The following GPATCH2 variants were observed in gnomAD, a reference collection of about 807,000 sequenced individuals.
GPATCH2 encodes G patch domain-containing protein 2.
A neutral mutation model predicts 58.0 loss-of-function variants in GPATCH2; 51 were observed. The ratio of observed to expected loss-of-function variants is 0.88; its 90% confidence interval spans 0.70 to 1.11. The LOEUF (loss-of-function observed/expected upper bound fraction) is 1.11, where lower values mean the gene tolerates loss of function less well. Ranked by LOEUF, GPATCH2 falls within the 50% of genes most tolerant of loss-of-function variation. GPATCH2 has a pLI of 0.00. For missense variants in GPATCH2, 625 were observed against 652.2 expected (o/e 0.96, Z 0.45); for synonymous variants, 222 against 218.5 (o/e 1.02, Z -0.14).
chr1:217,618,410 A>T (rs1669004011), intron 2 of GPATCH2, among the ~76,000 whole-genome samples: 1 of 151,554 alleles, frequency 6.6e-6, no homozygotes, highest in African/African-American at 2.4e-5. Context: ...GTTTCACCAT[A>T]CTGGTCTGGC....
At chr1:217,541,800 C>A (rs1028116407) in intron 5 of GPATCH2, among the ~76,000 whole-genome samples, 1 of 152,150 alleles carries the variant, frequency 6.6e-6, no homozygotes, top group Non-Finnish European at 1.5e-5. Context: ...CACTACCTCA[C>A]ATAATAATCT....
rs1416863450 is a variant in GPATCH2, at chr1:217,620,304, A to T, written c.252T>A (p.Thr84=). ...CAGAGCCTTCACTTAAGCAGTGACC[A>T]GTCTCCCACGGGTGATGCACATTAT... ...RSYNVHHPWE[T]GHCLSEGSDS... The change falls in exon 2 of 10, where the codon ACT becomes ACA. Residue 84 remains threonine (T), a synonymous_variant. Coordinates refer to ENST00000366935, the MANE Select transcript of GPATCH2 (RefSeq NM_018040.5). The T allele has an allele frequency of 1.2e-6, 2 of 1,614,008 alleles. No homozygotes were observed. Among genetic ancestry groups the T allele is most frequent in the African/African-American group, 2.7e-5 (2 of 74,914 alleles).
At chr1:217,611,143 C>A in intron 3 of GPATCH2, 72 bp from the exon 4 acceptor site, 2 of 1,353,178 alleles carry the variant, frequency 1.5e-6, no homozygotes, top group South Asian at 1.4e-5. Flanking sequence ...TTAGTCTTGT[C>A]AGGTAATAAA....
chr1:217,511,652 C>G (rs1181361070), intron 6 of GPATCH2, among the ~76,000 whole-genome samples: 3 of 152,102 alleles, frequency 2.0e-5, no homozygotes, highest in Non-Finnish European at 2.9e-5. Flanking sequence ...GGATACTGGC[C>G]ATATACCTTC....
At chr1:217,561,863 A>G (rs529443669) in intron 5 of GPATCH2, among the ~76,000 whole-genome samples, 7 of 152,300 alleles carry the variant, frequency 4.6e-5, no homozygotes, top group Non-Finnish European at 7.4e-5. Context: ...GACCCAAAGG[A>G]TCTCTAACAG....
chr1:217,538,290 C>G (rs931107786), intron 5 of GPATCH2, among the ~76,000 whole-genome samples: 1 of 152,172 alleles, frequency 6.6e-6, no homozygotes, highest in African/African-American at 2.4e-5. Flanking sequence ...CTTTGTACAC[C>G]TAAATGTCAT....
At chr1:217,574,615 G>A (rs1357297257) in intron 5 of GPATCH2, among the ~76,000 whole-genome samples, 8 of 152,266 alleles carry the variant, frequency 5.3e-5, no homozygotes, top group Non-Finnish European at 2.9e-5. Context: ...TTGGGCACCT[G>A]TGATGGAACT....
At chr1:217,522,831 TAC>T (rs140850986) in intron 5 of GPATCH2, among the ~76,000 whole-genome samples, 82 of 148,898 alleles carry the variant, frequency 5.5e-4, no homozygotes, top group Non-Finnish European at 7.4e-4. Flanking sequence ...ACTTGTTCAA[TAC>T]ACACACACAC....
intron 1 of GPATCH2, among the ~76,000 whole-genome samples, chr1:217,626,360 G>C (rs1466139086): frequency 2.6e-5 from 4 of 152,140 alleles, no homozygotes; most frequent in Non-Finnish European, 5.9e-5. Context: ...CACAAAGATA[G>C]TCTTGTACTT....
chr1:217,523,845 CG>C lies in GPATCH2; in HGVS notation c.1099-8957del, dbSNP rs556619956. Among the ~76,000 whole-genome samples the C allele has an allele frequency of 1.1e-3, 160 of 146,782 alleles. 4 individuals carry two copies. The highest frequency in any genetic ancestry group is 3.8e-3 in the African/African-American group (148 of 39,304). ...CTCCTGGACGGGGTGGCTGGCCGGG[CG>C]GGGGGCTGACCCCCACACCTCCCTC... On this transcript the variant is annotated intron_variant, in intron 5 of 9. Coordinates refer to ENST00000366935, the MANE Select transcript of GPATCH2 (RefSeq NM_018040.5).
chr1:217,446,425 A>T (rs1659389851), intron 9 of GPATCH2, among the ~76,000 whole-genome samples: 1 of 152,128 alleles, frequency 6.6e-6, no homozygotes, highest in Non-Finnish European at 1.5e-5. Context: ...TCATTATCAA[A>T]GTGTATTTAT....
At chr1:217,519,947 A>G (rs6682007) in intron 5 of GPATCH2, among the ~76,000 whole-genome samples, 87,520 of 152,072 alleles carry the variant, frequency 0.58, 26,457 homozygotes, top group East Asian at 0.84. Context: ...GTCAAGTTAT[A>G]GAACTCCTCT....
intron 5 of GPATCH2, among the ~76,000 whole-genome samples, chr1:217,577,081 G>A (rs539810775): frequency 6.6e-6 from 1 of 152,162 alleles, no homozygotes; most frequent in East Asian, 1.9e-4. Context: ...TCACATAAGA[G>A]TGCTATTTTA....
At chr1:217,446,532 A>G (rs1659393795) in intron 9 of GPATCH2, among the ~76,000 whole-genome samples, 1 of 152,128 alleles carries the variant, frequency 6.6e-6, no homozygotes, top group East Asian at 1.9e-4. Flanking sequence ...GAGGACTTTA[A>G]GATAACCTCA....
At chr1:217,521,848 G>C (rs1175146694) in intron 5 of GPATCH2, among the ~76,000 whole-genome samples, 4 of 152,128 alleles carry the variant, frequency 2.6e-5, no homozygotes. Flanking sequence ...TTGTCTTTCT[G>C]TTGAGGATTT....
At chr1:217,568,929 CAAG>C (rs915426997) in intron 5 of GPATCH2, among the ~76,000 whole-genome samples, 2 of 151,936 alleles carry the variant, frequency 1.3e-5, no homozygotes, top group Admixed American at 1.3e-4. Context: ...GGTGCTAGAA[CAAG>C]AAGGTGGAGC....
chr1:217,444,832 G>T (rs1455344537), intron 9 of GPATCH2, among the ~76,000 whole-genome samples: 1 of 152,102 alleles, frequency 6.6e-6, no homozygotes, highest in African/African-American at 2.4e-5. Flanking sequence ...TATAATTATT[G>T]ATAAGATAAA....
chr1:217,518,495 C>CTCATTTTCATTTAATTGTG (rs1321157295), intron 5 of GPATCH2, among the ~76,000 whole-genome samples: 4 of 152,088 alleles, frequency 2.6e-5, no homozygotes, highest in Admixed American at 2.6e-4. Context: ...GGTTTTATGT[C>CTCATTTTCATTTAATTGTG]TCATTTTCAT....
At chr1:217,505,004 A>G (rs542983981) in intron 6 of GPATCH2, among the ~76,000 whole-genome samples, 1 of 152,366 alleles carries the variant, frequency 6.6e-6, no homozygotes, top group South Asian at 2.1e-4. Flanking sequence ...GTGTATTTAC[A>G]CTGGAGCCAA....
Sources: gnomAD v4.1 joint callset for allele counts (sites outside exome capture counted in the v4.1 genomes callset) on GRCh38, gnomAD v4.1.1 for gene constraint, MANE v1.5 for transcripts, NCBI Gene and HGNC (gene_info 2026-07-23, HGNC 2026-07-21) for gene names.